The following ZNF385D variants were observed in gnomAD, a reference collection of about 807,000 sequenced individuals.
ZNF385D encodes the protein zinc finger protein 385D, also known as zinc finger protein 659.
A neutral mutation model predicts 35.8 loss-of-function variants in ZNF385D; 15 were observed. That is an observed-to-expected ratio of 0.42 (90% confidence interval 0.28 to 0.64). The LOEUF (loss-of-function observed/expected upper bound fraction) is 0.64, where lower values mean the gene tolerates loss of function less well. Among genes scored for constraint, ZNF385D ranks in the 30% least tolerant of loss-of-function variants. The pLI is 0.23. For missense variants in ZNF385D, 474 were observed against 494.6 expected, an observed-to-expected ratio of 0.96 and a Z score of 0.39; for synonymous variants, 212 against 186.8, an observed-to-expected ratio of 1.13 and a Z score of -1.10.
chr3:21,573,822 G>C (rs2063407788), intron 2 of ZNF385D, among the ~76,000 whole-genome samples: 1 of 151,744 alleles, frequency 6.6e-6, no homozygotes, highest in Non-Finnish European at 1.5e-5. Flanking sequence ...CACTCTGGAA[G>C]GCCAAGGAGG....
intron 3 of ZNF385D, among the ~76,000 whole-genome samples, chr3:21,783,300 T>C (rs1387153667): frequency 6.6e-6 from 1 of 152,144 alleles, no homozygotes; most frequent in Non-Finnish European, 1.5e-5. Flanking sequence ...GGGCTTCCAT[T>C]AAATTATATT....
At chr3:21,551,018 A>T (rs140631693) in intron 3 of ZNF385D, among the ~76,000 whole-genome samples, 2 of 152,298 alleles carry the variant, frequency 1.3e-5, no homozygotes, top group Non-Finnish European at 2.9e-5. Flanking sequence ...TACACTTTTG[A>T]CATGTTTATG....
At chr3:22,136,366 C>T (rs1050310160) in intron 3 of ZNF385D, among the ~76,000 whole-genome samples, 10 of 147,660 alleles carry the variant, frequency 6.8e-5, no homozygotes, top group South Asian at 2.2e-4. Flanking sequence ...TCCGCCTGGG[C>T]GACAAAGTGA....
rs528923070 is a variant in ZNF385D, at chr3:21,975,208, C to T, written c.325+193609G>A. On this transcript the variant is annotated intron_variant, in intron 3 of 5. Transcript: ENST00000494108. ...AATTGATAAGGAAAATGTACATATA[C>T]ACAATGGAGTACTATTCAGCCATAA... Among the ~76,000 whole-genome samples, 3 of 152,226 alleles carry T rather than the reference C, an allele frequency of 2.0e-5. No homozygotes were observed. In the East Asian group the frequency reaches 5.8e-4, roughly 29 times the overall value.
intron 2 of ZNF385D, among the ~76,000 whole-genome samples, chr3:21,631,778 G>A (rs766794528): frequency 9.9e-5 from 15 of 152,066 alleles, no homozygotes; most frequent in Non-Finnish European, 2.2e-4. Flanking sequence ...GCCAGAACTT[G>A]GGTCTAACAT....
At chr3:22,346,685 A>G (rs2125488971) in intron 2 of ZNF385D, among the ~76,000 whole-genome samples, 1 of 152,324 alleles carries the variant, frequency 6.6e-6, no homozygotes, top group East Asian at 1.9e-4. Flanking sequence ...GTTGTTCAAG[A>G]GTTAAGTGCT....
At chr3:21,701,389 C>G (rs1026471334) in intron 1 of ZNF385D, among the ~76,000 whole-genome samples, 1 of 152,074 alleles carries the variant, frequency 6.6e-6, no homozygotes, top group Non-Finnish European at 1.5e-5. Flanking sequence ...ATGAGAATAG[C>G]ACGGGAAAGA....
intron 2 of ZNF385D, among the ~76,000 whole-genome samples, chr3:22,364,044 A>G (rs888681919): frequency 3.9e-5 from 6 of 152,078 alleles, no homozygotes; most frequent in African/African-American, 1.4e-4. Context: ...GATGCTCAAC[A>G]TTATGTTTGT....
intron 2 of ZNF385D, among the ~76,000 whole-genome samples, chr3:22,241,705 G>A (rs1373686303): frequency 6.6e-6 from 1 of 150,610 alleles, no homozygotes; most frequent in Admixed American, 6.6e-5. Context: ...ATGCTTGAAT[G>A]CTTCCATATT....
At chr3:21,889,148 C>A (rs1031314056) in intron 3 of ZNF385D, among the ~76,000 whole-genome samples, 3 of 152,182 alleles carry the variant, frequency 2.0e-5, no homozygotes, top group African/African-American at 7.2e-5. Context: ...AACAGAGAAG[C>A]AACTAGCTGA....
At chr3:21,990,583 A>G (rs1284879523) in intron 3 of ZNF385D, among the ~76,000 whole-genome samples, 1 of 152,220 alleles carries the variant, frequency 6.6e-6, no homozygotes, top group Non-Finnish European at 1.5e-5. Flanking sequence ...TACTTAATAT[A>G]TGATGTATGT....
At chr3:22,189,477 T>C (rs994255664) in intron 2 of ZNF385D, among the ~76,000 whole-genome samples, 2 of 152,164 alleles carry the variant, frequency 1.3e-5, no homozygotes, top group East Asian at 3.9e-4. Context: ...ATTCATAGTA[T>C]TCAAACCTCT....
At chr3:21,726,775 C>T (rs1474130130) in intron 1 of ZNF385D, among the ~76,000 whole-genome samples, 2 of 152,048 alleles carry the variant, frequency 1.3e-5, no homozygotes, top group African/African-American at 2.4e-5. Flanking sequence ...TAATGCTATC[C>T]CCATCAAGCT....
chr3:22,027,412 G>A (rs1322985619), intron 3 of ZNF385D, among the ~76,000 whole-genome samples: 1 of 152,212 alleles, frequency 6.6e-6, no homozygotes, highest in Non-Finnish European at 1.5e-5. Context: ...TAGTGCTTGA[G>A]GAGTCAGTGA....
rs759698089 is a variant in ZNF385D, at chr3:21,437,172, C to T, written c.471G>A (p.Thr157=). ...TTTTGCGGATTTCCACAGTTGTCGT[C>T]GTTGATATTGCTGGTGTCCCTGCAG... The part of the protein sequence containing the change: ...DGTAGTPAIS[T]TTTVEIRKSS... The change falls in exon 5 of 8, where the codon ACG becomes ACA. Residue 157 remains threonine, a synonymous_variant. Transcript: ENST00000281523. 64 of 1,613,544 alleles carry T rather than the reference C, an allele frequency of 4.0e-5. No individual in the cohort carries two copies. Among genetic ancestry groups the T allele is most frequent in the South Asian group, 1.5e-4 (14 of 91,066 alleles).
At chr3:21,819,814 T>C (rs1312933285) in intron 3 of ZNF385D, among the ~76,000 whole-genome samples, 1 of 142,212 alleles carries the variant, frequency 7.0e-6, no homozygotes, top group Admixed American at 7.1e-5. Flanking sequence ...AAATATAATA[T>C]ACATAAATAT....
intron 4 of ZNF385D, among the ~76,000 whole-genome samples, chr3:21,450,491 T>C (rs1177420427): frequency 6.6e-6 from 1 of 152,184 alleles, no homozygotes; most frequent in Non-Finnish European, 1.5e-5. Flanking sequence ...TAAAAACTTT[T>C]TTCAAGTTGC....
At chr3:21,608,467 CTG>C (rs1204223894) in intron 2 of ZNF385D, among the ~76,000 whole-genome samples, 2 of 152,068 alleles carry the variant, frequency 1.3e-5, no homozygotes, top group African/African-American at 2.4e-5. Flanking sequence ...TTTAGATTAC[CTG>C]TGTTTAAACC....
chr3:21,978,011 T>C (rs1384269498), intron 3 of ZNF385D, among the ~76,000 whole-genome samples: 1 of 152,218 alleles, frequency 6.6e-6, no homozygotes, highest in South Asian at 2.1e-4. Context: ...AAGAACTAGA[T>C]ACACCAGATA....
Sources: gnomAD v4.1 joint callset for allele counts (sites outside exome capture counted in the v4.1 genomes callset) on GRCh38, gnomAD v4.1.1 for gene constraint, MANE v1.5 for transcripts, NCBI Gene and HGNC (gene_info 2026-07-23, HGNC 2026-07-21) for gene names.